Variants in CMYA5 observed in about 807,000 individuals in gnomAD.
The protein encoded by CMYA5 is cardiomyopathy-associated protein 5.
A neutral mutation model predicts 318.9 loss-of-function variants in CMYA5; 246 were observed. The ratio of observed to expected loss-of-function variants is 0.77; its 90% confidence interval spans 0.70 to 0.86. CMYA5 has a LOEUF of 0.86. Ranked by LOEUF, CMYA5 falls within the 40% of genes least tolerant of loss-of-function variation. The pLI is 0.00. For missense variants in CMYA5, 4,589 were observed against 4,678.2 expected, an observed-to-expected ratio of 0.98 and a Z score of 0.56; for synonymous variants, 1,641 against 1,729.5, an observed-to-expected ratio of 0.95 and a Z score of 1.27.
intron 11 of CMYA5, among the ~76,000 whole-genome samples, chr5:79,791,713 CAAAAA>C (rs61063837): frequency 0.27 from 24,598 of 91,916 alleles, 3,004 homozygotes; most frequent in East Asian, 0.66. Context: ...GACTCTGTCT[CAAAAA>C]AAAAAAAAAA....
At chr5:79,695,795 C>G (rs569737895) in intron 1 of CMYA5, among the ~76,000 whole-genome samples, 1 of 152,310 alleles carries the variant, frequency 6.6e-6, no homozygotes, top group Admixed American at 6.5e-5. Flanking sequence ...AGACATTCTT[C>G]CTAAAATGAG....
At chr5:79,785,069 A>G (rs2151099290) in intron 9 of CMYA5, among the ~76,000 whole-genome samples, 1 of 151,014 alleles carries the variant, frequency 6.6e-6, no homozygotes, top group African/African-American at 2.4e-5. Context: ...AGGAAAACCC[A>G]TCATTTTCCC....
chr5:79,742,760 G>GAA (rs111610940), intron 2 of CMYA5, among the ~76,000 whole-genome samples: 1 of 145,368 alleles, frequency 6.9e-6, no homozygotes. Context: ...CATTGAGAGT[G>GAA]AAAAAAAAAA....
chr5:79,729,404 G>A lies in CMYA5; in HGVS notation c.639G>A (p.Lys213=). The A allele has an allele frequency of 1.2e-6, 2 of 1,613,706 alleles. No homozygotes were observed. The highest frequency in any genetic ancestry group is 1.1e-5 in the South Asian group (1 of 91,062). ...CTGGGGCAATATACAAAGAACACAA[G>A]CCATTAGTGTTAAGACCAGTCTACA... is the stretch of plus-strand genomic sequence containing the variant. The part of the protein sequence containing the change: ...PITGAIYKEH[K]PLVLRPVYIG... Residue 213 remains lysine, a synonymous_variant, in exon 2 of 13, where the codon AAG becomes AAA. Transcript: ENST00000446378.
At chr5:79,796,144 G>A (rs146882443) in intron 12 of CMYA5, among the ~76,000 whole-genome samples, 6 of 152,222 alleles carry the variant, frequency 3.9e-5, no homozygotes, top group East Asian at 1.9e-4. Context: ...TGTAGGGACC[G>A]GGGACCTTCC....
intron 9 of CMYA5, among the ~76,000 whole-genome samples, chr5:79,774,941 C>T (rs1048831218): frequency 6.6e-6 from 1 of 152,220 alleles, no homozygotes; most frequent in Non-Finnish European, 1.5e-5. Context: ...TAGGTGATGA[C>T]TGACCAGTGG....
intron 12 of CMYA5, 37 bp downstream of exon 12, chr5:79,793,647 A>G: frequency 2.6e-6 from 4 of 1,565,668 alleles, no homozygotes; most frequent in African/African-American, 2.7e-5. Context: ...TCATCAAAAT[A>G]TTATGCTTGG....
At chr5:79,745,157 A>AG in intron 3 of CMYA5, 65 bp from the exon 4 acceptor site, 1 of 1,049,498 alleles carries the variant, frequency 9.5e-7, no homozygotes, top group South Asian at 1.7e-5. Context: ...GTGTTTCCAA[A>AG]AAAAAAAAAA....
At chr5:79,715,147 A>T (rs1022399924) in intron 1 of CMYA5, among the ~76,000 whole-genome samples, 3 of 152,130 alleles carry the variant, frequency 2.0e-5, no homozygotes, top group African/African-American at 7.2e-5. Context: ...ATTGCCTAGA[A>T]CAGTGTGGTC....
At chr5:79,699,179 AAAAAG>A (rs1561626156) in intron 1 of CMYA5, among the ~76,000 whole-genome samples, 1 of 148,754 alleles carries the variant, frequency 6.7e-6, no homozygotes, top group East Asian at 2.0e-4. Flanking sequence ...ACAACAACAA[AAAAAG>A]AAAAGAAAAA....
In CMYA5 at chr5:79,743,515, A is replaced by C. The variant is rs1263828477; in HGVS notation, c.10639-312A>C. On this transcript the variant is annotated intron_variant, in intron 2 of 12. Coordinates refer to ENST00000446378, the MANE Select transcript of CMYA5 (RefSeq NM_153610.5). ...GGTCTTACTAGAGAGAACGCATTCA[A>C]ATCTATAGTTCATTAAAACAGGTAT... Among the ~76,000 whole-genome samples, 4 of 152,190 alleles carry C rather than the reference A, an allele frequency of 2.6e-5. No individual in the cohort carries two copies. The South Asian group carries it at 6.2e-4, about 24-fold the overall frequency.
intron 9 of CMYA5, among the ~76,000 whole-genome samples, chr5:79,766,688 G>C (rs529956781): frequency 1.5e-4 from 23 of 152,298 alleles, no homozygotes; most frequent in African/African-American, 5.5e-4. Context: ...TTTTTGATGT[G>C]CTGCTGGATT....
rs1210220804 is a variant in CMYA5, at chr5:79,729,931, T to C, written c.1166T>C (p.Met389Thr). ...GTGACACCCGACACACCTGCAACTATGTTCCTGAGAACAACAAAGGAAGAA... is the reference window on the plus strand; with the variant it reads ...GTGACACCCGACACACCTGCAACTACGTTCCTGAGAACAACAAAGGAAGAA... ...PSVTPDTPAT[M>T]FLRTTKEECE... Residue 389 changes from methionine to threonine, a missense_variant, in exon 2 of 13, where the codon ATG (methionine) becomes ACG (threonine). Met to Thr is a moderately conservative substitution (Grantham distance 81, BLOSUM62 -1). Around this residue, in one of 3 missense-constraint regions of CMYA5, gnomAD observed 2,132 missense variants for 2,131.3 expected, o/e 1.00. Coordinates refer to ENST00000446378, the MANE Select transcript of CMYA5 (RefSeq NM_153610.5). 1.2e-6 allele frequency: 2 copies of C among 1,613,834 alleles called. No individual in the cohort carries two copies. Among genetic ancestry groups the C allele is most frequent in the Non-Finnish European group, 1.7e-6 (2 of 1,179,832 alleles).
At chr5:79,771,589 T>C (rs1828857395) in intron 9 of CMYA5, among the ~76,000 whole-genome samples, 1 of 152,200 alleles carries the variant, frequency 6.6e-6, no homozygotes, top group Non-Finnish European at 1.5e-5. Flanking sequence ...GGAACAGTGA[T>C]GTCATCTCAT....
At chr5:79,740,500 T>C (rs2151089116) in intron 2 of CMYA5, among the ~76,000 whole-genome samples, 1 of 152,370 alleles carries the variant, frequency 6.6e-6, no homozygotes, top group East Asian at 1.9e-4. Context: ...TTGCAAGTTA[T>C]ATGTAAATAA....
intron 2 of CMYA5, among the ~76,000 whole-genome samples, chr5:79,741,764 T>C (rs1183955687): frequency 6.6e-6 from 1 of 152,224 alleles, no homozygotes; most frequent in Non-Finnish European, 1.5e-5. Flanking sequence ...CTATGAGTTT[T>C]AGATATTAAA....
At position 79,743,904 on chromosome 5, in the gene CMYA5, C is replaced by CT; in HGVS notation, c.10722dup (p.Asn3575Ter). 2.0e-6 allele frequency: 3 copies of CT among 1,532,696 alleles called. No individual in the cohort carries two copies. Among genetic ancestry groups the CT allele is most frequent in the South Asian group, 1.2e-5 (1 of 81,210 alleles). 94.9% of individuals were successfully genotyped at this position (1,532,696 alleles called of 1,614,324 possible). On this transcript the variant is annotated frameshift_variant, in exon 3 of 13. Transcript: ENST00000446378. LOFTEE classifies it high-confidence loss of function. ...AAGCCTTTGTTAGTGAGATAGAATC[C>CT]TTTTTTAATACCATTGAGGTAAGTT...
chr5:79,731,988 C>T lies in CMYA5; in HGVS notation c.3223C>T (p.Leu1075Phe). The T allele has an allele frequency of 1.2e-6, 2 of 1,613,836 alleles. No homozygotes were observed. The highest frequency in any genetic ancestry group is 1.7e-6 in the Non-Finnish European group (2 of 1,179,828). ...TGAAACTTTCCCTTTGATGTCTCCG[C>T]TTGAAGACTTAAGTCTGCCGCCTTC... ...KAETFPLMSP[L>F]EDLSLPPSTD... Residue 1075 changes from leucine to phenylalanine, a missense_variant, in exon 2 of 13, where the codon CTT (leucine) becomes TTT (phenylalanine). Physicochemically the swap from Leu to Phe is conservative, Grantham distance 22. This residue lies in a region of CMYA5 where 2,132 missense variants were observed against 2,131.3 expected (regional missense o/e 1.00). Coordinates refer to ENST00000446378, the MANE Select transcript of CMYA5 (RefSeq NM_153610.5).
Position 79,735,883 on chromosome 5 carries a change from A to T in CMYA5, c.7118A>T (p.Lys2373Ile). The change falls in exon 2 of 13, where the codon AAA becomes ATA. Residue 2373 changes from lysine (K) to isoleucine (I), a missense_variant. Lys to Ile is a moderately radical substitution (Grantham distance 102). Transcript: ENST00000446378. ...KEEPRSDQKQ[K>I]SLLSFDVVDK... Reference sequence around the variant, plus strand: ...GAGCCAAGAAGTGATCAAAAACAAAAATCACTCCTTTCATTTGATGTAGTA... The same window carrying T: ...GAGCCAAGAAGTGATCAAAAACAAATATCACTCCTTTCATTTGATGTAGTA... 1 of 1,580,354 alleles carries T rather than the reference A, an allele frequency of 6.3e-7. No individual in the cohort carries two copies. The highest frequency in any genetic ancestry group is 8.5e-7 in the Non-Finnish European group (1 of 1,169,742).
Sources: allele counts gnomAD v4.1 joint callset (sites outside exome capture counted in the v4.1 genomes callset), GRCh38; gene constraint gnomAD v4.1.1; regional missense constraint gnomAD v4.1.1; transcripts MANE v1.5; gene names NCBI Gene and HGNC (gene_info 2026-07-23, HGNC 2026-07-21).